Variants in CCBE1 observed in about 807,000 individuals in gnomAD.
CCBE1 encodes the protein collagen and calcium-binding EGF domain-containing protein 1.
CCBE1 carries 37 observed loss-of-function variants against 50.0 expected under a neutral mutation model. The ratio of observed to expected loss-of-function variants is 0.74; its 90% CI spans 0.57 to 0.97. CCBE1 has a LOEUF of 0.97. Among genes scored for constraint, CCBE1 ranks in the 50% least tolerant of loss-of-function variants. CCBE1 has a pLI of 0.00. For missense variants in CCBE1, 538 were observed against 523.8 expected (o/e 1.03, Z -0.26); for synonymous variants, 234 against 203.7 (o/e 1.15, Z -1.27).
intron 2 of CCBE1, among the ~76,000 whole-genome samples, chr18:59,504,377 T>G (rs1362471234): frequency 1.6e-5 from 2 of 128,776 alleles, no homozygotes; most frequent in Non-Finnish European, 3.1e-5. Flanking sequence ...GATCCTAGAA[T>G]GTCTTCCTTT....
intron 2 of CCBE1, among the ~76,000 whole-genome samples, chr18:59,588,860 G>C (rs768835960): frequency 5.9e-5 from 9 of 152,178 alleles, no homozygotes; most frequent in Non-Finnish European, 1.3e-4. Context: ...GCACCTCAAA[G>C]GCTCCCCTGA....
At chr18:59,573,284 A>AATATATATATATATAT (rs71336346) in intron 2 of CCBE1, among the ~76,000 whole-genome samples, 4,226 of 93,316 alleles carry the variant, frequency 0.045, 445 homozygotes, top group South Asian at 0.09. Flanking sequence ...GACTCCGTCT[A>AATATATATATATATAT]ATATATATAT....
intron 2 of CCBE1, among the ~76,000 whole-genome samples, chr18:59,660,116 C>G (rs2054262263): frequency 6.6e-6 from 1 of 152,146 alleles, no homozygotes; most frequent in East Asian, 1.9e-4. Flanking sequence ...ACGTGGGCAC[C>G]CAGCTGAGAG....
intron 2 of CCBE1, among the ~76,000 whole-genome samples, chr18:59,555,677 G>A (rs1216129849): frequency 1.3e-5 from 2 of 152,170 alleles, no homozygotes; most frequent in Non-Finnish European, 2.9e-5. Flanking sequence ...TTGCATAAAA[G>A]AGGGTCAATG....
Position 59,450,956 on chromosome 18 carries a change from G to T in CCBE1, c.655-2853C>A, listed in dbSNP as rs562380337. Among the ~76,000 whole-genome samples the T allele has an allele frequency of 3.9e-5, 6 of 152,300 alleles. No individual in the cohort carries two copies. The East Asian group carries it at 1.2e-3, about 29-fold the overall frequency. On this transcript the variant is annotated intron_variant, in intron 6 of 10. Transcript: ENST00000439986. ...CCTGAGGCAAAGGTGATGCTAGACC[G>T]AGCAGGTGCAGCCATCGGGTTGCAA...
intron 5 of CCBE1, among the ~76,000 whole-genome samples, chr18:59,464,320 T>C (rs1384637260): frequency 6.6e-6 from 1 of 152,068 alleles, no homozygotes; most frequent in African/African-American, 2.4e-5. Context: ...CCCAGATACT[T>C]GGGAGGCTGA....
Position 59,564,582 on chromosome 18 carries a change from T to C in CCBE1, c.213-84344A>G, listed in dbSNP as rs553390231. Among the ~76,000 whole-genome samples the C allele has an allele frequency of 2.6e-5, 4 of 152,384 alleles. No individual in the cohort carries two copies. The South Asian group carries it at 6.2e-4, about 24-fold the overall frequency. On this transcript the variant is annotated intron_variant, in intron 2 of 10. Coordinates refer to ENST00000439986, the MANE Select transcript of CCBE1 (RefSeq NM_133459.4). The stretch of plus-strand genomic sequence containing the variant: ...CTTTGTACCCTTCAGAAGGTATCTA[T>C]TACTAACTGGCTTGTATTTCACTGA...
intron 2 of CCBE1, among the ~76,000 whole-genome samples, chr18:59,559,221 C>G (rs1251462161): frequency 2.0e-5 from 3 of 152,202 alleles, no homozygotes; most frequent in Non-Finnish European, 2.9e-5. Flanking sequence ...TGCACAGCAA[C>G]AAGCTGCGTT....
intron 2 of CCBE1, among the ~76,000 whole-genome samples, chr18:59,508,593 T>C (rs1274009068): frequency 6.6e-6 from 1 of 151,284 alleles, no homozygotes; most frequent in Non-Finnish European, 1.5e-5. Flanking sequence ...TGAGACTCTG[T>C]CTCACAAAAA....
At chr18:59,522,582 C>A (rs1914645811) in intron 2 of CCBE1, among the ~76,000 whole-genome samples, 2 of 152,104 alleles carry the variant, frequency 1.3e-5, no homozygotes, top group African/African-American at 4.8e-5. Context: ...TTAAGGAGTG[C>A]CTCCTACCAC....
At chr18:59,576,211 T>C (rs958054623) in intron 2 of CCBE1, among the ~76,000 whole-genome samples, 5 of 152,222 alleles carry the variant, frequency 3.3e-5, no homozygotes, top group African/African-American at 1.2e-4. Flanking sequence ...AGGTTACAGG[T>C]AAAGCTGCTA....
At chr18:59,577,753 G>T (rs2053020686) in intron 2 of CCBE1, among the ~76,000 whole-genome samples, 1 of 152,156 alleles carries the variant, frequency 6.6e-6, no homozygotes, top group Non-Finnish European at 1.5e-5. Context: ...TCAATAACAT[G>T]GATTGACCAA....
chr18:59,513,321 C>CAA (rs11417238), intron 2 of CCBE1, among the ~76,000 whole-genome samples: 5,626 of 151,794 alleles, frequency 0.037, 258 homozygotes, highest in East Asian at 0.25. Flanking sequence ...CAAAACAAAA[C>CAA]AAAAAAATTC....
At chr18:59,508,479 C>T (rs1215979581) in intron 2 of CCBE1, among the ~76,000 whole-genome samples, 1 of 151,826 alleles carries the variant, frequency 6.6e-6, no homozygotes, top group Non-Finnish European at 1.5e-5. Context: ...TGCCTGTAGT[C>T]CCAGTTACCC....
rs1285521848 is a variant in CCBE1 at position 59,669,416 on chromosome 18, G to T, written c.212+27213C>A. 2.0e-5 allele frequency among the ~76,000 whole-genome samples: 3 copies of T among 152,146 alleles called. No individual in the cohort carries two copies. In the East Asian group the frequency reaches 5.8e-4, roughly 29 times the overall value. On this transcript the variant is annotated intron_variant, in intron 2 of 10. Coordinates refer to ENST00000439986, the MANE Select transcript of CCBE1 (RefSeq NM_133459.4). ...GAGGGTTCTGACCAACAGCTCCTTG[G>T]CTTCCTCCTTGAATCAATAGGACAT... is the stretch of plus-strand genomic sequence containing the variant.
At chr18:59,686,469 T>C (rs1425704164) in intron 2 of CCBE1, among the ~76,000 whole-genome samples, 1 of 152,196 alleles carries the variant, frequency 6.6e-6, no homozygotes, top group African/African-American at 2.4e-5. Context: ...GCGTGTGACC[T>C]TGACACTATG....
At chr18:59,610,535 C>T (rs2053554372) in intron 2 of CCBE1, among the ~76,000 whole-genome samples, 1 of 151,516 alleles carries the variant, frequency 6.6e-6, no homozygotes, top group African/African-American at 2.4e-5. Flanking sequence ...AGCTTCAGAA[C>T]AAAAAAAGAT....
At chr18:59,608,929 A>C (rs530524948) in intron 2 of CCBE1, among the ~76,000 whole-genome samples, 1 of 152,250 alleles carries the variant, frequency 6.6e-6, no homozygotes, top group African/African-American at 2.4e-5. Flanking sequence ...CTCATCCATA[A>C]TCTGGCTTCT....
intron 2 of CCBE1, among the ~76,000 whole-genome samples, chr18:59,509,595 C>T (rs1030342443): frequency 1.3e-5 from 2 of 152,156 alleles, no homozygotes; most frequent in Non-Finnish European, 1.5e-5. Flanking sequence ...GGGGCACACA[C>T]TGAAACACAA....
Sources: allele counts gnomAD v4.1 joint callset (sites outside exome capture counted in the v4.1 genomes callset), GRCh38; gene constraint gnomAD v4.1.1; transcripts MANE v1.5; gene names NCBI Gene and HGNC (gene_info 2026-07-23, HGNC 2026-07-21).